IRAG1: variants seen among roughly 807,000 people sequenced by gnomAD.
The protein encoded by IRAG1 is inositol 1,4,5-triphosphate receptor associated 1, also known as IP3R-associated cGMP kinase substrate.
A neutral mutation model predicts 106.2 loss-of-function variants in IRAG1; 62 were observed. The observed-to-expected ratio is 0.58, with a 90% confidence interval of 0.48 to 0.72. The LOEUF (loss-of-function observed/expected upper bound fraction) is 0.72. Among genes scored for constraint, IRAG1 ranks in the 30% least tolerant of loss-of-function variants. The pLI is 0.00. For synonymous variants in IRAG1, 462 were observed against 443.9 expected (o/e 1.04, Z -0.51); for missense variants, 1,064 against 1,140.7 (o/e 0.93, Z 0.97).
chr11:10,608,462 G>A (rs960962048), intron 11 of IRAG1, among the ~76,000 whole-genome samples: 1 of 151,942 alleles, frequency 6.6e-6, no homozygotes, highest in Non-Finnish European at 1.5e-5. Flanking sequence ...AAAAAGTGGG[G>A]GTCTGGGGGG....
chr11:10,605,690 C>T lies in IRAG1; in HGVS notation c.1602+1052G>A, dbSNP rs908062602. Among the ~76,000 whole-genome samples the T allele has an allele frequency of 4.6e-5, 7 of 152,196 alleles. No homozygotes were observed. The South Asian group carries it at 1.0e-3, about 22-fold the overall frequency. On this transcript the variant is annotated intron_variant, in intron 12 of 20. Coordinates refer to ENST00000423302, the MANE Select transcript of IRAG1 (RefSeq NM_130385.4). The stretch of plus-strand genomic sequence containing the variant: ...CGAGAGCTGTGTCCATATACATCTG[C>T]GGTCAGCATTTGGACATTAAACAAA...
intron 18 of IRAG1, chr11:10,588,998 C>G (rs1464512607): frequency 1.3e-5 from 2 of 152,184 alleles, no homozygotes; most frequent in African/African-American, 4.8e-5. Context: ...TCACTCTCCA[C>G]CCATATGTTT....
chr11:10,608,947 TTCTC>T (rs1222218030), intron 11 of IRAG1, among the ~76,000 whole-genome samples: 1 of 152,236 alleles, frequency 6.6e-6, no homozygotes, highest in Non-Finnish European at 1.5e-5. Flanking sequence ...TCTTATAGTG[TTCTC>T]TCTGACATTT....
chr11:10,658,262 C>T (rs989639291), intron 1 of IRAG1: 2 of 152,324 alleles, frequency 1.3e-5, no homozygotes, highest in African/African-American at 4.8e-5. Context: ...TAACCTTGGC[C>T]TGCTCACGGG....
intron 1 of IRAG1, among the ~76,000 whole-genome samples, chr11:10,677,939 T>C (rs1860823440): frequency 6.6e-6 from 1 of 152,254 alleles, no homozygotes; most frequent in African/African-American, 2.4e-5. Flanking sequence ...TTTATCCACA[T>C]GGTAGCATGT....
intron 15 of IRAG1, among the ~76,000 whole-genome samples, chr11:10,594,561 A>G (rs1591568788): frequency 6.6e-6 from 1 of 152,200 alleles, no homozygotes; most frequent in African/African-American, 2.4e-5. Flanking sequence ...TCAAGGATGT[A>G]CAGTCAGAGA....
intron 18 of IRAG1, among the ~76,000 whole-genome samples, chr11:10,583,995 T>C (rs1300314201): frequency 1.3e-5 from 2 of 152,104 alleles, no homozygotes; most frequent in East Asian, 3.9e-4. Context: ...ACAGACATAC[T>C]AGAACATCTT....
At chr11:10,686,005 T>C (rs1021347099) in intron 1 of IRAG1, among the ~76,000 whole-genome samples, 1 of 152,004 alleles carries the variant, frequency 6.6e-6, no homozygotes, top group Non-Finnish European at 1.5e-5. Flanking sequence ...AAAGATGTCT[T>C]AGGTAAGAAG....
Position 10,665,515 on chromosome 11 carries a change from A to C in IRAG1, c.68-13333T>G, listed in dbSNP as rs1313485632. The stretch of plus-strand genomic sequence containing the variant: ...CTTCAAATGATTTTCAAACATCATT[A>C]CTTCCTGGGGGCGACCACTCCACCT... On this transcript the variant is annotated intron_variant, in intron 1 of 20. Transcript: ENST00000423302. This position sits in a 1 kb window ranked among gnomAD's most constrained non-coding sequence, Gnocchi z 4.2. Among the ~76,000 whole-genome samples the C allele has an allele frequency of 6.6e-6, 1 of 152,214 alleles. No individual in the cohort carries two copies. Among genetic ancestry groups the C allele is most frequent in the Non-Finnish European group, 1.5e-5 (1 of 68,036 alleles).
intron 11 of IRAG1, 99 bp from the exon 12 acceptor site, chr11:10,606,871 G>T: frequency 8.6e-7 from 1 of 1,159,412 alleles, no homozygotes; most frequent in Non-Finnish European, 1.2e-6. Context: ...TCCAGGGGTG[G>T]AGTAAGCTGT....
chr11:10,629,522 C>A lies in IRAG1; in HGVS notation c.574+16G>T. 6.2e-7 allele frequency: 1 copy of A among 1,608,938 alleles called. No homozygotes were observed. The highest frequency in any genetic ancestry group is 1.1e-5 in the South Asian group (1 of 90,274). On this transcript the variant is annotated intron_variant, in intron 5 of 20. Transcript: ENST00000423302. ...GAGGGGCTCAGGGCAGCCACCTGTACATCCTGCCACCCTACCTGATGGGGA... is the reference window on the plus strand; with the variant it reads ...GAGGGGCTCAGGGCAGCCACCTGTAAATCCTGCCACCCTACCTGATGGGGA...
At chr11:10,585,204 T>C (rs1851824734) in intron 18 of IRAG1, among the ~76,000 whole-genome samples, 1 of 152,194 alleles carries the variant, frequency 6.6e-6, no homozygotes, top group Non-Finnish European at 1.5e-5. Flanking sequence ...CTTGGGTCAC[T>C]GATCTCTAGA....
chr11:10,634,633 G>C (rs994124869), intron 2 of IRAG1, among the ~76,000 whole-genome samples: 1 of 152,068 alleles, frequency 6.6e-6, no homozygotes, highest in African/African-American at 2.4e-5. Context: ...ATATAAGTGA[G>C]ATCATGCAGT....
At chr11:10,580,430 A>G in intron 20 of IRAG1, 25 bp downstream of exon 20, 1 of 1,600,458 alleles carries the variant, frequency 6.2e-7, no homozygotes. Context: ...AGCAACGGCA[A>G]GGACTCCAAA....
At chr11:10,640,143 C>G (rs370999609) in intron 2 of IRAG1, among the ~76,000 whole-genome samples, 1 of 152,200 alleles carries the variant, frequency 6.6e-6, no homozygotes, top group African/African-American at 2.4e-5. Flanking sequence ...CGGGAGTGAG[C>G]TGCCTTCTGA....
chr11:10,652,232 A>C lies in IRAG1; in HGVS notation c.68-50T>G, dbSNP rs776213779. 6 of 1,600,304 alleles carry C rather than the reference A, an allele frequency of 3.7e-6. No individual in the cohort carries two copies. The East Asian group carries it at 1.3e-4, about 36-fold the overall frequency. ...TCAAATCCATTCCCATCCCTGTCCC[A>C]AGCTGGGTTCCATTTCCCGGAGCCA... On this transcript the variant is annotated intron_variant, in intron 1 of 20. Coordinates refer to ENST00000423302, the MANE Select transcript of IRAG1 (RefSeq NM_130385.4).
intron 18 of IRAG1, among the ~76,000 whole-genome samples, chr11:10,584,672 G>A (rs958923300): frequency 6.6e-6 from 1 of 150,380 alleles, no homozygotes; most frequent in African/African-American, 2.4e-5. Flanking sequence ...CGTGAAGGAG[G>A]ACAGTGTAGT....
intron 1 of IRAG1, among the ~76,000 whole-genome samples, chr11:10,680,235 T>C (rs928565317): frequency 7.7e-6 from 1 of 130,450 alleles, no homozygotes; most frequent in African/African-American, 2.9e-5. Flanking sequence ...ATTACACCAC[T>C]ACACTCCAGT....
chr11:10,690,380 A>G lies in IRAG1; in HGVS notation c.67+3156T>C, dbSNP rs1229951213. ...AGTGCGAGACCCTGTCTAAAAAAAAAAAAAATGTTTCCTGTCCGACCAACT... is the reference window on the plus strand; with the variant it reads ...AGTGCGAGACCCTGTCTAAAAAAAAGAAAAATGTTTCCTGTCCGACCAACT... On this transcript the variant is annotated intron_variant, in intron 1 of 20. Transcript: ENST00000423302. 1.6e-6 allele frequency: 2 copies of G among 1,287,918 alleles called. No homozygotes were observed. The highest frequency in any genetic ancestry group is 3.0e-5 in the African/African-American group (2 of 65,676). 79.8% of individuals were successfully genotyped at this position (1,287,918 alleles called of 1,614,324 possible).
Sources: allele counts gnomAD v4.1 joint callset (sites outside exome capture counted in the v4.1 genomes callset), GRCh38; gene constraint gnomAD v4.1.1; non-coding constraint Gnocchi (gnomAD v3.1); transcripts MANE v1.5; gene names NCBI Gene and HGNC (gene_info 2026-07-23, HGNC 2026-07-21).